The following CCDC154 variants were observed in gnomAD, a reference collection of about 807,000 sequenced individuals.
CCDC154 encodes the protein coiled-coil domain containing 154.
Under a neutral mutation model 87.5 loss-of-function variants are expected in CCDC154, and 91 were observed. The ratio of observed to expected loss-of-function variants is 1.04; its 90% CI spans 0.88 to 1.24. CCDC154 has a LOEUF of 1.24. Among genes scored for constraint, CCDC154 ranks in the 50% most tolerant of loss-of-function variants. CCDC154 has a pLI of 0.00. For missense variants in CCDC154, 903 were observed against 879.2 expected, an observed-to-expected ratio of 1.03 and a Z score of -0.34; for synonymous variants, 418 against 400.4, an observed-to-expected ratio of 1.04 and a Z score of -0.52.
chr16:1,444,089 C>A lies in CCDC154; in HGVS notation c.8-77G>T, dbSNP rs1433336885. 14 of 1,142,470 alleles carry A rather than the reference C, an allele frequency of 1.2e-5. No homozygotes were observed. In the Admixed American group the frequency reaches 2.9e-4, roughly 24 times the overall value. The allele number at this position is 1,142,470 out of a possible 1,614,324, so 70.8% of individuals were successfully genotyped here. On this transcript the variant is annotated intron_variant, in intron 1 of 16. Transcript: ENST00000389176. Reference sequence around the variant, plus strand: ...AGCTTACGGGAACAAGGCCCCAAACCCCCGCAGGACCCTCGCCCACCACCC... The same window carrying A: ...AGCTTACGGGAACAAGGCCCCAAACACCCGCAGGACCCTCGCCCACCACCC...
chr16:1,442,568 C>T (rs955060444), intron 5 of CCDC154, 39 bp from the exon 6 acceptor site: 34 of 1,494,144 alleles, frequency 2.3e-5, no homozygotes, highest in South Asian at 2.7e-5. Flanking sequence ...CCCAGCTGGC[C>T]GGAGGGCCCA....
intron 2 of CCDC154, 42 bp downstream of exon 2, chr16:1,443,754 G>T (rs764878619): frequency 7.7e-7 from 1 of 1,304,778 alleles, no homozygotes; most frequent in Non-Finnish European, 1.0e-6. Context: ...GGAGGCGGCG[G>T]CGACGTGGTC....
intron 1 of CCDC154, 99 bp from the exon 2 acceptor site, chr16:1,444,111 AC>A: frequency 1.9e-6 from 2 of 1,070,248 alleles, no homozygotes; most frequent in South Asian, 1.4e-5. Context: ...CTCGCCCACC[AC>A]CCAGAGCTCA....
At chr16:1,436,174 A>G (rs2038500084) in intron 13 of CCDC154, 88 bp from the exon 14 acceptor site, 3 of 1,175,618 alleles carry the variant, frequency 2.6e-6, no homozygotes, top group Non-Finnish European at 3.6e-6. Flanking sequence ...CACAGCCACC[A>G]CAGGGTTAAG....
rs758535044 is a variant in CCDC154 at position 1,442,630 on chromosome 16, G to A, written c.552-101C>T. The A allele has an allele frequency of 3.5e-4, 451 of 1,297,906 alleles. 1 individual carries two copies. Among genetic ancestry groups the A allele is most frequent in the South Asian group, 5.1e-4 (33 of 65,178 alleles). The allele number at this position is 1,297,906 out of a possible 1,614,324, so 80.4% of individuals were successfully genotyped here. A position where few individuals can be genotyped will look rare whatever the true frequency, so the allele number is the denominator to read the frequency against. On this transcript the variant is annotated intron_variant, in intron 5 of 16. Transcript: ENST00000389176. ...GCCAGGCAGGAGGTGTACGACCCCC[G>A]CCCCCTGCCCCACCAGAAAACAGAG...
rs770151302 is a variant in CCDC154 at position 1,444,070 on chromosome 16, C to T, written c.8-58G>A. ...GGGGCCCGGCCCCCACTGGAGCTTACGGGAACAAGGCCCCAAACCCCCGCA... is the reference window on the plus strand; with the variant it reads ...GGGGCCCGGCCCCCACTGGAGCTTATGGGAACAAGGCCCCAAACCCCCGCA... On this transcript the variant is annotated intron_variant, in intron 1 of 16. Coordinates refer to ENST00000389176, the MANE Select transcript of CCDC154 (RefSeq NM_001143980.3). The T allele has an allele frequency of 8.8e-5, 110 of 1,244,214 alleles. 1 individual carries two copies. The Admixed American group carries it at 1.7e-3, about 19-fold the overall frequency. The allele number at this position is 1,244,214 out of a possible 1,614,324, so 77.1% of individuals were successfully genotyped here.
chr16:1,440,169 G>T (rs1393209183), intron 6 of CCDC154, among the ~76,000 whole-genome samples: 5 of 145,768 alleles, frequency 3.4e-5, no homozygotes. Context: ...AAAAAAAATG[G>T]CCGGGCGAGG....
intron 6 of CCDC154, among the ~76,000 whole-genome samples, chr16:1,440,727 G>T (rs536693278): frequency 3.3e-5 from 5 of 152,098 alleles, no homozygotes; most frequent in Admixed American, 1.3e-4. Context: ...GAGATGGGCA[G>T]ATCACGAGGT....
At chr16:1,437,701 C>T (rs1000360829) in intron 11 of CCDC154, 116 bp downstream of exon 11, 34 of 1,279,732 alleles carry the variant, frequency 2.7e-5, no homozygotes, top group South Asian at 1.6e-4. Context: ...CTGGGTGGGA[C>T]GGGAGGCTTG....
At chr16:1,443,424 A>G in intron 3 of CCDC154, 82 bp downstream of exon 3, 1 of 1,431,232 alleles carries the variant, frequency 7.0e-7, no homozygotes, top group Non-Finnish European at 9.1e-7. Context: ...AGCAGGGGTG[A>G]GCTGGGCTCC....
Position 1,438,843 on chromosome 16 carries a change from C to A in CCDC154, c.878G>T (p.Arg293Leu), listed in dbSNP as rs1195311926. 1.9e-6 allele frequency: 3 copies of A among 1,547,550 alleles called. No individual in the cohort carries two copies. Among genetic ancestry groups the A allele is most frequent in the African/African-American group, 1.4e-5 (1 of 73,002 alleles). Residue 293 changes from arginine (R) to leucine (L), a missense_variant, in exon 8 of 17, where the codon CGC (arginine) becomes CTC (leucine). Arg to Leu is a moderately radical substitution (Grantham distance 102). Transcript: ENST00000389176. ...ATGCTGCCCCTGCAGGGCCCGCAGG[C>A]GCTCCTCCATCAGCCCCCGAAGCTT... ...WEKLRGLMEE[R>L]LRALQGQHEE...
At chr16:1,443,196 T>C (rs2142357479) in intron 4 of CCDC154, 65 bp downstream of exon 4, 2 of 1,531,958 alleles carry the variant, frequency 1.3e-6, no homozygotes, top group African/African-American at 1.4e-5. Flanking sequence ...CCACCACACC[T>C]GCCGCTGCTT....
intron 6 of CCDC154, chr16:1,439,373 C>T: frequency 1.9e-6 from 1 of 536,246 alleles, no homozygotes; most frequent in Non-Finnish European, 3.3e-6. Context: ...GGGGTCCAGA[C>T]ACACTTGGCA....
At chr16:1,441,696 G>A (rs1016090456) in intron 6 of CCDC154, among the ~76,000 whole-genome samples, 25 of 152,328 alleles carry the variant, frequency 1.6e-4, no homozygotes, top group Non-Finnish European at 3.4e-4. Context: ...TGTGTGGGGA[G>A]GGGTGGAGGC....
intron 16 of CCDC154, 37 bp from the exon 17 acceptor site, chr16:1,434,571 G>GCCCCCCCCCCCCCCCCC: frequency 1.4e-6 from 1 of 719,974 alleles, no homozygotes; most frequent in Non-Finnish European, 1.9e-6. Flanking sequence ...CTGCACCCCC[G>GCCCCCCCCCCCCCCCCC]CCCCACCCCC....
chr16:1,438,791 T>G, intron 8 of CCDC154, 24 bp downstream of exon 8: 1 of 1,305,138 alleles, frequency 7.7e-7, no homozygotes, highest in Non-Finnish European at 1.1e-6. Flanking sequence ...CGGCCCCACC[T>G]GCCCGCCGCC....
chr16:1,439,118 C>A lies in CCDC154; in HGVS notation c.684G>T (p.Val228=). The change falls in exon 7 of 17, where the codon GTG becomes GTT. Residue 228 remains valine (V), a synonymous_variant. Coordinates refer to ENST00000389176, the MANE Select transcript of CCDC154 (RefSeq NM_001143980.3). ...DLEVARMQAQ[V]TKLGEEVSLR... is the part of the protein sequence containing the mutation. ...GGCTCACCTCTTCGCCGAGCTTGGTCACCTGGGCCTGGGGCGGAGGCACAT... is the reference window on the plus strand; with the variant it reads ...GGCTCACCTCTTCGCCGAGCTTGGTAACCTGGGCCTGGGGCGGAGGCACAT... The A allele has an allele frequency of 6.5e-7, 1 of 1,550,056 alleles. No individual in the cohort carries two copies.
intron 13 of CCDC154, 57 bp downstream of exon 13, chr16:1,436,388 C>A: frequency 8.6e-6 from 12 of 1,397,924 alleles, no homozygotes; most frequent in Admixed American, 2.0e-5. Flanking sequence ...GGGACCGGCC[C>A]AGCCCAGTAA....
At position 1,438,178 on chromosome 16, in the gene CCDC154, T is replaced by C; in HGVS notation, c.1026-2A>G. 6.5e-7 allele frequency: 1 copy of C among 1,536,392 alleles called. No homozygotes were observed. ...TCCTCCAAGCGCCCCTTGGCGTCCC[T>C]AGGGGTTGGGGACACATAGACACCC... On this transcript the variant is annotated splice_acceptor_variant, in intron 9 of 16. Transcript: ENST00000389176. LOFTEE classifies it high-confidence loss of function.
Sources: allele counts gnomAD v4.1 joint callset (sites outside exome capture counted in the v4.1 genomes callset), GRCh38; gene constraint gnomAD v4.1.1; transcripts MANE v1.5; gene names NCBI Gene and HGNC (gene_info 2026-07-23, HGNC 2026-07-21).